Variants in TMEM131L observed in about 807,000 individuals in gnomAD.
The protein encoded by TMEM131L is transmembrane protein 131-like.
A neutral mutation model predicts 192.2 loss-of-function variants in TMEM131L; 54 were observed. The observed-to-expected ratio is 0.28, with a 90% CI of 0.23 to 0.35. The LOEUF is 0.35. Among genes scored for constraint, TMEM131L ranks in the 10% least tolerant of loss-of-function variants. The pLI, the probability that TMEM131L is intolerant of heterozygous loss-of-function variation, is 1.00. For missense variants in TMEM131L, 1,888 were observed against 1,972.9 expected, an observed-to-expected ratio of 0.96 and a Z score of 0.82; for synonymous variants, 701 against 704.9, an observed-to-expected ratio of 0.99 and a Z score of 0.09.
chr4:153,579,960 G>GGA (rs915786688), intron 7 of TMEM131L, among the ~76,000 whole-genome samples: 8 of 152,302 alleles, frequency 5.3e-5, no homozygotes, highest in African/African-American at 1.9e-4. Flanking sequence ...CCTAGGCTTT[G>GGA]GAGAATGCCT....
chr4:153,490,047 C>T (rs1346287266), intron 3 of TMEM131L, among the ~76,000 whole-genome samples: 2 of 151,858 alleles, frequency 1.3e-5, no homozygotes, highest in South Asian at 4.2e-4. Flanking sequence ...CCAGGAGAAT[C>T]CTTTTGTTAT....
Position 153,555,803 on chromosome 4 carries a change from G to A in TMEM131L, c.325G>A (p.Val109Ile). The A allele has an allele frequency of 1.3e-6, 2 of 1,551,358 alleles. No homozygotes were observed. The highest frequency in any genetic ancestry group is 1.7e-6 in the Non-Finnish European group (2 of 1,146,680). ...TCCTCCTAGGTTCCTGGGACATCCT[G>A]TAGCAAAGATTCTCCATGCTTACAA... ...DFGIQFLGHP[V>I]AKILHAYNPS... The change falls in exon 5 of 35, where the codon GTA becomes ATA. Residue 109 changes from valine to isoleucine, a missense_variant. Physicochemically the swap from Val to Ile is conservative, Grantham distance 29. Transcript: ENST00000409959. This position sits in a 1 kb window ranked among gnomAD's most constrained non-coding sequence, Gnocchi z 4.1.
At chr4:153,520,516 T>A (rs1431493266) in intron 3 of TMEM131L, among the ~76,000 whole-genome samples, 1 of 152,136 alleles carries the variant, frequency 6.6e-6, no homozygotes. Flanking sequence ...AAGAGAGTGC[T>A]CAGTTTGCAT....
intron 3 of TMEM131L, among the ~76,000 whole-genome samples, chr4:153,487,719 T>TGTGA (rs369094307): frequency 0.015 from 2,141 of 143,418 alleles, 29 homozygotes; most frequent in Non-Finnish European, 0.023. Context: ...TGTGTGTGTG[T>TGTGA]GAGAGAGAGA....
chr4:153,543,183 T>A (rs933561052), intron 3 of TMEM131L, among the ~76,000 whole-genome samples: 8 of 152,158 alleles, frequency 5.3e-5, no homozygotes, highest in Admixed American at 2.0e-4. Flanking sequence ...AACTTTTTCT[T>A]ATTGGTAGGA....
chr4:153,500,637 T>C (rs569260148), intron 3 of TMEM131L, among the ~76,000 whole-genome samples: 2 of 152,226 alleles, frequency 1.3e-5, no homozygotes, highest in African/African-American at 4.8e-5. Flanking sequence ...TCCGTCATCT[T>C]CTTTTTATTT....
chr4:153,627,700 C>T lies in TMEM131L; in HGVS notation c.4207+13C>T, dbSNP rs72952880. On this transcript the variant is annotated intron_variant, in intron 31 of 34. Transcript: ENST00000409959. ...GAAGAAGATAAAGGTGAGATGCATTCGTCTTGCTGCAGACATCAGCCAAGG... is the reference window on the plus strand; with the variant it reads ...GAAGAAGATAAAGGTGAGATGCATTTGTCTTGCTGCAGACATCAGCCAAGG... 2.8e-4 allele frequency: 456 copies of T among 1,601,058 alleles called. No homozygotes were observed. Among genetic ancestry groups the T allele is most frequent in the Non-Finnish European group, 3.7e-4 (436 of 1,168,262 alleles).
intron 3 of TMEM131L, among the ~76,000 whole-genome samples, chr4:153,492,486 C>T (rs888090080): frequency 6.6e-6 from 1 of 152,136 alleles, no homozygotes; most frequent in African/African-American, 2.4e-5. Context: ...AAATCATAGG[C>T]GGAATCTCAA....
chr4:153,558,139 G>C, intron 6 of TMEM131L, 119 bp from the exon 7 acceptor site: 1 of 523,156 alleles, frequency 1.9e-6, no homozygotes, highest in Non-Finnish European at 3.6e-6. Flanking sequence ...AATTGGATTA[G>C]TAGAGTCTTG....
intron 3 of TMEM131L, among the ~76,000 whole-genome samples, chr4:153,518,032 G>GA (rs112437394): frequency 3.1e-4 from 45 of 146,658 alleles, no homozygotes; most frequent in South Asian, 8.6e-4. Context: ...ATAATGGGGT[G>GA]AAAAAAAAAA....
chr4:153,479,138 G>T (rs1731748933), intron 3 of TMEM131L, among the ~76,000 whole-genome samples: 1 of 152,242 alleles, frequency 6.6e-6, no homozygotes, highest in Non-Finnish European at 1.5e-5. Flanking sequence ...AACGGGACCA[G>T]TGTGAATTCT....
At chr4:153,551,124 C>T (rs1196490264) in intron 4 of TMEM131L, among the ~76,000 whole-genome samples, 1 of 152,122 alleles carries the variant, frequency 6.6e-6, no homozygotes, top group Non-Finnish European at 1.5e-5. Flanking sequence ...GTTTCAAGAG[C>T]GAGAGGTAAA....
chr4:153,593,600 T>C (rs933159959), intron 18 of TMEM131L, among the ~76,000 whole-genome samples, 199 bp from the exon 19 acceptor site: 3 of 152,034 alleles, frequency 2.0e-5, no homozygotes, highest in African/African-American at 7.3e-5. Flanking sequence ...ATGGCAGATA[T>C]GGGTGTGGGA....
intron 25 of TMEM131L, among the ~76,000 whole-genome samples, chr4:153,608,965 G>A (rs867024868): frequency 1.6e-4 from 24 of 152,244 alleles, no homozygotes; most frequent in African/African-American, 5.1e-4. Context: ...ATTAACATGT[G>A]CACCTCCCAA....
At chr4:153,567,241 GA>G (rs1462063145) in intron 7 of TMEM131L, among the ~76,000 whole-genome samples, 2 of 152,198 alleles carry the variant, frequency 1.3e-5, no homozygotes, top group Non-Finnish European at 1.5e-5. Context: ...AGATAACAGA[GA>G]AAGGTTAAGG....
intron 3 of TMEM131L, among the ~76,000 whole-genome samples, chr4:153,488,266 A>T (rs1353483102): frequency 1.3e-5 from 2 of 152,144 alleles, no homozygotes; most frequent in Non-Finnish European, 2.9e-5. Context: ...ATGAGGAAGG[A>T]TATTACTTAA....
chr4:153,483,506 G>A (rs190003389), intron 3 of TMEM131L, among the ~76,000 whole-genome samples: 1 of 152,184 alleles, frequency 6.6e-6, no homozygotes, highest in East Asian at 1.9e-4. Context: ...ATAGCAGCGT[G>A]GGTCACAAAG....
At chr4:153,600,085 C>T (rs1436967425) in intron 21 of TMEM131L, among the ~76,000 whole-genome samples, 1 of 152,152 alleles carries the variant, frequency 6.6e-6, no homozygotes, top group Non-Finnish European at 1.5e-5. Context: ...TAACTAGTTG[C>T]TGGGTGTGGT....
chr4:153,504,588 A>G (rs1733861987), intron 3 of TMEM131L, among the ~76,000 whole-genome samples: 1 of 151,954 alleles, frequency 6.6e-6, no homozygotes, highest in Non-Finnish European at 1.5e-5. Context: ...GTGTCTGGCC[A>G]CTTGTTCTTT....
Sources: gnomAD v4.1 joint callset for allele counts (sites outside exome capture counted in the v4.1 genomes callset) on GRCh38, gnomAD v4.1.1 for gene constraint, Gnocchi (gnomAD v3.1) non-coding constraint, MANE v1.5 for transcripts, NCBI Gene and HGNC (gene_info 2026-07-23, HGNC 2026-07-21) for gene names.